Variants in SHMT1 observed in about 807,000 individuals in gnomAD.
SHMT1 encodes serine hydroxymethyltransferase, cytosolic.
Under a neutral mutation model 49.0 loss-of-function variants are expected in SHMT1, and 45 were observed. The ratio of observed to expected loss-of-function variants is 0.92; its 90% CI spans 0.72 to 1.18. The LOEUF is 1.18. Among genes scored for constraint, SHMT1 ranks in the 50% most tolerant of loss-of-function variants. SHMT1 has a pLI of 0.00. For missense variants in SHMT1, 541 were observed against 612.4 expected (o/e 0.88, Z 1.23); for synonymous variants, 232 against 246.6 (o/e 0.94, Z 0.55).
chr17:18,347,381 G>C (rs1033621659), intron 5 of SHMT1, 115 bp downstream of exon 5: 11 of 1,195,840 alleles, frequency 9.2e-6, no homozygotes, highest in Admixed American at 1.7e-5. Context: ...ATTAAAAACG[G>C]TGCGAGGTGG....
intron 1 of SHMT1, among the ~76,000 whole-genome samples, chr17:18,361,606 T>C (rs1378444265): frequency 1.3e-5 from 2 of 151,476 alleles, no homozygotes; most frequent in African/African-American, 4.9e-5. Context: ...GCTAACATGG[T>C]GAAACCCCGT....
intron 10 of SHMT1, 148 bp downstream of exon 10, chr17:18,330,407 A>G: frequency 1.4e-6 from 1 of 722,320 alleles, no homozygotes; most frequent in Non-Finnish European, 2.5e-6. Context: ...AAGTGCCGGG[A>G]TTACAGGCGT....
At chr17:18,356,060 T>A (rs1165895521) in intron 1 of SHMT1, 60 bp from the exon 2 acceptor site, 20 of 823,420 alleles carry the variant, frequency 2.4e-5, no homozygotes, top group Non-Finnish European at 3.2e-5. Flanking sequence ...TTTTATTTAT[T>A]TTTTATTTAT....
intron 8 of SHMT1, among the ~76,000 whole-genome samples, chr17:18,333,940 T>A (rs1243778734): frequency 6.6e-6 from 1 of 152,014 alleles, no homozygotes; most frequent in Non-Finnish European, 1.5e-5. Context: ...CTACCACACC[T>A]GGCTAATTTT....
At chr17:18,354,832 G>T (rs539864567) in intron 2 of SHMT1, among the ~76,000 whole-genome samples, 7 of 146,936 alleles carry the variant, frequency 4.8e-5, no homozygotes, top group African/African-American at 1.8e-4. Flanking sequence ...GAGGTCAGGA[G>T]ATCAAGATCA....
At chr17:18,329,469 CAA>C in intron 10 of SHMT1, 81 bp from the exon 11 acceptor site, 2 of 1,094,600 alleles carry the variant, frequency 1.8e-6, no homozygotes, top group Admixed American at 1.9e-5. Flanking sequence ...GACATGTGGG[CAA>C]AAGAGAACTG....
chr17:18,342,935 CA>C (rs1028950543), intron 5 of SHMT1, among the ~76,000 whole-genome samples: 54 of 128,582 alleles, frequency 4.2e-4, no homozygotes, highest in African/African-American at 6.4e-4. Context: ...GACTCTGTCT[CA>C]AAAAAAAAAA....
At chr17:18,332,877 G>A (rs1480547382) in intron 9 of SHMT1, 4 of 450,108 alleles carry the variant, frequency 8.9e-6, no homozygotes, top group African/African-American at 2.0e-5. Context: ...TCTCAGTTGA[G>A]CCTCAGGTCA....
chr17:18,348,574 C>T (rs370367018), intron 3 of SHMT1, 134 bp from the exon 4 acceptor site: 2 of 762,456 alleles, frequency 2.6e-6, no homozygotes, highest in Admixed American at 3.4e-5. Flanking sequence ...TGTTAACATG[C>T]AGATGCTGAA....
At chr17:18,338,012 A>G (rs1044368871) in intron 7 of SHMT1, among the ~76,000 whole-genome samples, 4 of 150,648 alleles carry the variant, frequency 2.7e-5, no homozygotes, top group Non-Finnish European at 4.4e-5. Context: ...GGAAGTGAGG[A>G]GCGTCTCTGC....
rs549650903 is a variant in SHMT1 at position 18,336,808 on chromosome 17, T to C, written c.815-1133A>G. Among the ~76,000 whole-genome samples, 75 of 152,132 alleles carry C rather than the reference T, an allele frequency of 4.9e-4. 1 individual carries two copies. In the South Asian group the frequency reaches 0.015, roughly 30 times the overall value. The stretch of plus-strand genomic sequence containing the variant: ...GAAAAATTTAAAAATTAGCCAGGCA[T>C]GGTGGCGCATACCTGTGGTCCCAGC... On this transcript the variant is annotated intron_variant, in intron 7 of 11. Coordinates refer to ENST00000316694, the MANE Select transcript of SHMT1 (RefSeq NM_004169.5).
At chr17:18,339,561 CTTTCT>C (rs1174433812) in intron 7 of SHMT1, among the ~76,000 whole-genome samples, 3 of 151,162 alleles carry the variant, frequency 2.0e-5, no homozygotes, top group African/African-American at 7.3e-5. Flanking sequence ...TCCTTTCTTT[CTTTCT>C]TTTTTTTTTT....
intron 5 of SHMT1, among the ~76,000 whole-genome samples, chr17:18,343,320 A>G (rs1984721429): frequency 6.6e-6 from 1 of 152,072 alleles, no homozygotes; most frequent in Admixed American, 6.6e-5. Flanking sequence ...CTATAAACAT[A>G]TGGGTCAGCC....
At chr17:18,351,965 T>G (rs1202506615) in intron 3 of SHMT1, among the ~76,000 whole-genome samples, 1 of 151,948 alleles carries the variant, frequency 6.6e-6, no homozygotes, top group African/African-American at 2.4e-5. Context: ...CCACCTCAGT[T>G]TCTTGAGTAG....
chr17:18,345,669 C>T (rs1164672917), intron 5 of SHMT1, among the ~76,000 whole-genome samples: 1 of 149,432 alleles, frequency 6.7e-6, no homozygotes, highest in African/African-American at 2.5e-5. Context: ...GCAACTGCAC[C>T]CTGCCTTTCT....
In SHMT1 at chr17:18,328,984, G is replaced by T; in HGVS notation, c.1283-65C>A. On this transcript the variant is annotated intron_variant, in intron 11 of 11. Coordinates refer to ENST00000316694, the MANE Select transcript of SHMT1 (RefSeq NM_004169.5). ...ACCAAAGGGGGTACAATGGCTGGGG[G>T]CCGAGGCACAAATGTCAGAATGTCC... 5 of 1,591,526 alleles carry T rather than the reference G, an allele frequency of 3.1e-6. No homozygotes were observed. In the South Asian group the frequency reaches 4.4e-5, roughly 14 times the overall value.
At chr17:18,360,926 T>C (rs1446851365) in intron 1 of SHMT1, among the ~76,000 whole-genome samples, 2 of 152,040 alleles carry the variant, frequency 1.3e-5, no homozygotes, top group Non-Finnish European at 2.9e-5. Context: ...TCCCAGCACT[T>C]TGGGAGGCCG....
intron 5 of SHMT1, chr17:18,341,147 C>A: frequency 2.7e-6 from 1 of 368,252 alleles, no homozygotes; most frequent in Non-Finnish European, 5.1e-6. Flanking sequence ...GGAACAAGAC[C>A]AAAATGCCTG....
chr17:18,353,046 A>G (rs1985881955), intron 3 of SHMT1, among the ~76,000 whole-genome samples: 1 of 152,190 alleles, frequency 6.6e-6, no homozygotes, highest in Admixed American at 6.6e-5. Flanking sequence ...GCATCTCAGG[A>G]CAGAATGGCA....
Sources: gnomAD v4.1 joint callset for allele counts (sites outside exome capture counted in the v4.1 genomes callset) on GRCh38, gnomAD v4.1.1 for gene constraint, MANE v1.5 for transcripts, NCBI Gene and HGNC (gene_info 2026-07-23, HGNC 2026-07-21) for gene names.